Variants in NIBAN3 observed in about 807,000 individuals in gnomAD.
NIBAN3 encodes niban apoptosis regulator 3.
In NIBAN3, 66 loss-of-function variants were observed where a neutral mutation model predicts 76.4. The observed-to-expected ratio is 0.86, with a 90% confidence interval of 0.71 to 1.06. The LOEUF is 1.06. NIBAN3 is among the 50% of genes least tolerant of loss of function. The pLI, the probability that NIBAN3 is intolerant of heterozygous loss-of-function variation, is 0.00. For missense variants in NIBAN3, 808 were observed against 810.7 expected, an observed-to-expected ratio of 1.00 and a Z score of 0.04; for synonymous variants, 360 against 355.2, an observed-to-expected ratio of 1.01 and a Z score of -0.15.
intron 3 of NIBAN3, 36 bp downstream of exon 3, chr19:17,532,424 T>C: frequency 6.2e-7 from 1 of 1,613,934 alleles, no homozygotes; most frequent in Non-Finnish European, 8.5e-7. Flanking sequence ...TACTTCTGGG[T>C]CCCTCCTTCC....
chr19:17,524,377 C>G (rs1388466105), upstream of NIBAN3, among the ~76,000 whole-genome samples: 5 of 152,096 alleles, frequency 3.3e-5, no homozygotes, highest in Non-Finnish European at 7.4e-5. Flanking sequence ...CCTCCGCCTC[C>G]TGGGTTCAAG....
chr19:17,543,297 C>G lies in NIBAN3; in HGVS notation c.1330-20C>G, dbSNP rs376170078. 52 of 1,502,760 alleles carry G rather than the reference C, an allele frequency of 3.5e-5. No homozygotes were observed. Among genetic ancestry groups the G allele is most frequent in the South Asian group, 5.2e-5 (4 of 77,660 alleles). The allele number at this position is 1,502,760 out of a possible 1,614,324, so 93.1% of individuals were successfully genotyped here. On this transcript the variant is annotated intron_variant, in intron 10 of 14. Transcript: ENST00000599164. The stretch of plus-strand genomic sequence containing the variant: ...GCTGGAGCACAGATTCTGGGGTCAT[C>G]ATAGCATCTCCTCCCACAGCTCATG...
Position 17,542,419 on chromosome 19 carries a change from G to C in NIBAN3, c.1329+125G>C. The stretch of plus-strand genomic sequence containing the variant: ...ACTCCGCGGGGCTGCCAGTCTCATG[G>C]GGACATGAGCCCGTGACCAGGCAGC... On this transcript the variant is annotated intron_variant, in intron 10 of 14. Coordinates refer to ENST00000599164, the MANE Select transcript of NIBAN3 (RefSeq NM_001321827.2). This position sits in a 1 kb window ranked among gnomAD's most constrained non-coding sequence, Gnocchi z 4.8. 2 of 1,065,066 alleles carry C rather than the reference G, an allele frequency of 1.9e-6. No individual in the cohort carries two copies. The highest frequency in any genetic ancestry group is 1.3e-6 in the Non-Finnish European group (1 of 746,710). The allele number at this position is 1,065,066 out of a possible 1,614,324, so 66.0% of individuals were successfully genotyped here.
At chr19:17,529,921 T>C (rs531983433) in intron 1 of NIBAN3, among the ~76,000 whole-genome samples, 27 of 152,126 alleles carry the variant, frequency 1.8e-4, no homozygotes, top group Admixed American at 1.8e-3. Context: ...TAGCTGGGCA[T>C]GGTGGCACGT....
intron 14 of NIBAN3, among the ~76,000 whole-genome samples, chr19:17,551,447 AC>A: frequency 1.4e-5 from 2 of 144,928 alleles, no homozygotes; most frequent in Admixed American, 1.4e-4. Context: ...CGCTCTTGTC[AC>A]CCGGGCTGGA....
intron 13 of NIBAN3, 126 bp downstream of exon 13, chr19:17,546,923 T>A: frequency 7.8e-7 from 1 of 1,274,180 alleles, no homozygotes; most frequent in Non-Finnish European, 1.1e-6. Context: ...AAGTCAGGAC[T>A]TGGCCTGAGG....
intron 4 of NIBAN3, among the ~76,000 whole-genome samples, 179 bp downstream of exon 4, chr19:17,533,880 T>C (rs572540834): frequency 1.3e-5 from 2 of 152,250 alleles, no homozygotes; most frequent in South Asian, 2.1e-4. Flanking sequence ...CAACCACCAA[T>C]GTCTCCAGCA....
At chr19:17,534,313 G>C (rs548030882) in intron 4 of NIBAN3, among the ~76,000 whole-genome samples, 5 of 152,144 alleles carry the variant, frequency 3.3e-5, no homozygotes, top group African/African-American at 1.2e-4. Flanking sequence ...TCAGGAGTTC[G>C]AGACTAGCCT....
intron 4 of NIBAN3, 33 bp from the exon 5 acceptor site, chr19:17,537,343 G>T: frequency 1.2e-6 from 2 of 1,605,836 alleles, no homozygotes; most frequent in Non-Finnish European, 1.7e-6. Flanking sequence ...GTGAATGAAC[G>T]TCTAGAAGAT....
chr19:17,550,843 CTTTTTTTTTT>C (rs10690901), intron 14 of NIBAN3, among the ~76,000 whole-genome samples: 4 of 91,550 alleles, frequency 4.4e-5, no homozygotes, highest in Admixed American at 1.7e-4. Context: ...CTTGTACATA[CTTTTTTTTTT>C]TTTTTTTTTT....
At chr19:17,526,796 A>T (rs906464256), upstream of NIBAN3, among the ~76,000 whole-genome samples, 1 of 151,888 alleles carries the variant, frequency 6.6e-6, no homozygotes, top group Non-Finnish European at 1.5e-5. Context: ...ATCCTCTAAG[A>T]CCTTGGCATC....
intron 5 of NIBAN3, among the ~76,000 whole-genome samples, chr19:17,538,775 AAAGG>A (rs1205317466): frequency 3.2e-4 from 49 of 151,908 alleles, no homozygotes; most frequent in African/African-American, 1.1e-3. Flanking sequence ...GGAGGGAGGG[AAAGG>A]AAGGAAGAAA....
chr19:17,541,682 A>G (rs1377854741), intron 9 of NIBAN3, among the ~76,000 whole-genome samples: 1 of 146,764 alleles, frequency 6.8e-6, no homozygotes, highest in Non-Finnish European at 1.5e-5. Context: ...ATTTTATTTT[A>G]TTTTATTTTA....
rs34537214 is a variant in NIBAN3 at position 17,552,080 on chromosome 19, A to ATT, written c.*197_*198dup. On this transcript the variant is annotated 3_prime_UTR_variant, in exon 15 of 15. Transcript: ENST00000599164. ...TTTCCCCAAGGCTTTCTTTATTTTA[A>ATT]TTTTTTTTTTTTTTTTGAGACTGAG... 0.14 allele frequency: 40,368 copies of ATT among 295,822 alleles called. 1,524 individuals are homozygous for ATT. The highest frequency in any genetic ancestry group is 0.17 in the African/African-American group (7,371 of 42,144). 18.3% of individuals were successfully genotyped at this position (295,822 alleles called of 1,614,324 possible). A position where few individuals can be genotyped will look rare whatever the true frequency, so the allele number is the denominator to read the frequency against.
chr19:17,530,977 C>A, intron 2 of NIBAN3, 92 bp downstream of exon 2: 1 of 1,404,668 alleles, frequency 7.1e-7, no homozygotes, highest in Non-Finnish European at 9.6e-7. Flanking sequence ...CAGACCTTTG[C>A]CATTGCCATA....
intron 13 of NIBAN3, among the ~76,000 whole-genome samples, chr19:17,547,372 T>TTTTG (rs2076076716): frequency 7.7e-6 from 1 of 130,388 alleles, no homozygotes; most frequent in Admixed American, 7.5e-5. Context: ...TTTTTTTTTT[T>TTTTG]GAGACAGAGT....
At chr19:17,524,961 T>A (rs561429931), upstream of NIBAN3, among the ~76,000 whole-genome samples, 24 of 152,084 alleles carry the variant, frequency 1.6e-4, no homozygotes, top group Non-Finnish European at 3.4e-4. Context: ...GGAAGATGAG[T>A]CTCCATTGGA....
At chr19:17,544,943 C>T (rs1361516226) in intron 12 of NIBAN3, among the ~76,000 whole-genome samples, 1 of 152,060 alleles carries the variant, frequency 6.6e-6, no homozygotes, top group African/African-American at 2.4e-5. Flanking sequence ...TGAGGCCAGG[C>T]GTGGTGGCAC....
intron 1 of NIBAN3, among the ~76,000 whole-genome samples, chr19:17,528,250 CCTGA>C (rs1410578674): frequency 1.3e-5 from 2 of 151,968 alleles, no homozygotes; most frequent in South Asian, 2.1e-4. Context: ...TGCCACCATG[CCTGA>C]CTAATTTTTG....
Sources: allele counts gnomAD v4.1 joint callset (sites outside exome capture counted in the v4.1 genomes callset), GRCh38; gene constraint gnomAD v4.1.1; non-coding constraint Gnocchi (gnomAD v3.1); transcripts MANE v1.5; gene names NCBI Gene and HGNC (gene_info 2026-07-23, HGNC 2026-07-21).